CZIB: variants seen among roughly 807,000 people sequenced by gnomAD.
CZIB encodes the protein CXXC motif containing zinc binding protein, also known as UPF0587 protein C1orf123.
Under a neutral mutation model 28.3 loss-of-function variants are expected in CZIB, and 26 were observed. The observed-to-expected ratio is 0.92, with a 90% CI of 0.67 to 1.27. The LOEUF is 1.27. CZIB is among the 50% of genes most tolerant of loss of function. The probability of loss-of-function intolerance (pLI) is 0.00; values close to 1 mark genes in which losing one functional copy is unlikely to be tolerated. For missense variants in CZIB, 179 were observed against 197.3 expected, an observed-to-expected ratio of 0.91 and a Z score of 0.56; for synonymous variants, 78 against 71.1, an observed-to-expected ratio of 1.10 and a Z score of -0.49.
rs190690820 is a variant in CZIB, at chr1:53,219,210, G to C, written c.91-287C>G. The C allele has an allele frequency of 1.6e-3, 676 of 425,666 alleles. 14 individuals are homozygous for C. The highest frequency in any genetic ancestry group is 0.012 in the South Asian group (398 of 33,312). The allele number at this position is 425,666 out of a possible 1,614,324, so 26.4% of individuals were successfully genotyped here. On this transcript the variant is annotated intron_variant, in intron 2 of 7. Coordinates refer to ENST00000294360, the MANE Select transcript of CZIB (RefSeq NM_017887.3). ...CAGAAATGGTTTCAGCGGAGGTGAG[G>C]GGGGGGAATATGGAGAGATTTGTTA...
rs1008358748 is a variant in CZIB, at chr1:53,214,383, T to C, written c.*276A>G. ...GGAGATACCATCTCCTTAAAAATAC[T>C]CTTCATTTTCCTAAGGAGTGAACTG... On this transcript the variant is annotated 3_prime_UTR_variant, in exon 8 of 8. Coordinates refer to ENST00000294360, the MANE Select transcript of CZIB (RefSeq NM_017887.3). 1.0e-5 allele frequency: 4 copies of C among 391,074 alleles called. No individual in the cohort carries two copies. The highest frequency in any genetic ancestry group is 8.0e-5 in the African/African-American group (4 of 50,060). The allele number at this position is 391,074 out of a possible 1,614,324, so 24.2% of individuals were successfully genotyped here. A position where few individuals can be genotyped will look rare whatever the true frequency, so the allele number is the denominator to read the frequency against.
rs1182146682 is a variant in CZIB at position 53,218,270 on chromosome 1, T to C, written c.230-67A>G. The C allele has an allele frequency of 6.3e-6, 10 of 1,594,624 alleles. No individual in the cohort carries two copies. In the African/African-American group the frequency reaches 1.2e-4, roughly 19 times the overall value. ...CCCTCGCCCCAGCCAGGTGCCCACA[T>C]GTGGCCCTGAAAAAGATCACGCTGT... On this transcript the variant is annotated intron_variant, in intron 4 of 7. Transcript: ENST00000294360.
chr1:53,220,324 T>C lies in CZIB; in HGVS notation c.27A>G (p.Lys9=). 3 of 1,613,412 alleles carry C rather than the reference T, an allele frequency of 1.9e-6. No homozygotes were observed. The highest frequency in any genetic ancestry group is 2.5e-6 in the Non-Finnish European group (3 of 1,179,922). Residue 9 remains lysine, a synonymous_variant, in exon 2 of 8, where the codon AAA becomes AAG. Transcript: ENST00000294360. The part of the protein sequence containing the change: MGKIALQL[K]ATLENITNLR... The stretch of plus-strand genomic sequence containing the variant: ...GGTTGGTGATGTTCTCCAGCGTGGC[T>C]TTGAGTTGCAGCGCGATTTTCTGAG...
At chr1:53,218,830 G>A in intron 3 of CZIB, 37 bp downstream of exon 3, 1 of 1,569,950 alleles carries the variant, frequency 6.4e-7, no homozygotes. Context: ...GTGTGTTTGT[G>A]AGTGTTTATG....
intron 2 of CZIB, chr1:53,219,351 C>A: frequency 4.9e-6 from 1 of 203,700 alleles, no homozygotes; most frequent in Non-Finnish European, 1.0e-5. Flanking sequence ...ATTAAATGCT[C>A]CCAACACAAA....
chr1:53,220,626 G>A lies in CZIB; in HGVS notation c.-51C>T, dbSNP rs1246678465. ...CTGCGGCCCTTGCCGTTGCTTTCCGGCGCGTCGTAAAAGGCGGGTGCCGTC... is the reference window on the plus strand; with the variant it reads ...CTGCGGCCCTTGCCGTTGCTTTCCGACGCGTCGTAAAAGGCGGGTGCCGTC... On this transcript the variant is annotated 5_prime_UTR_variant, in exon 1 of 8. Coordinates refer to ENST00000294360, the MANE Select transcript of CZIB (RefSeq NM_017887.3). 6 of 1,589,204 alleles carry A rather than the reference G, an allele frequency of 3.8e-6. No individual in the cohort carries two copies. The highest frequency in any genetic ancestry group is 4.3e-6 in the Non-Finnish European group (5 of 1,174,826).
Position 53,214,592 on chromosome 1 carries a change from T to C in CZIB, c.*67A>G, listed in dbSNP as rs1645456833. ...CAAGGGTCAAAGGAACGAGCCTCTG[T>C]GGGCTCTGCTGCTTAGAGTACTTTG... is the stretch of plus-strand genomic sequence containing the variant. On this transcript the variant is annotated 3_prime_UTR_variant, in exon 8 of 8. Coordinates refer to ENST00000294360, the MANE Select transcript of CZIB (RefSeq NM_017887.3). The C allele has an allele frequency of 7.1e-6, 10 of 1,400,300 alleles. No individual in the cohort carries two copies. The highest frequency in any genetic ancestry group is 1.4e-5 in the African/African-American group (1 of 70,500). The allele number at this position is 1,400,300 out of a possible 1,614,324, so 86.7% of individuals were successfully genotyped here. A position where few individuals can be genotyped will look rare whatever the true frequency, so the allele number is the denominator to read the frequency against.
Position 53,218,983 on chromosome 1 carries a change from G to C in CZIB, c.91-60C>G, listed in dbSNP as rs572528592. 4 of 1,467,892 alleles carry C rather than the reference G, an allele frequency of 2.7e-6. No individual in the cohort carries two copies. The South Asian group carries it at 3.4e-5, about 13-fold the overall frequency. The allele number at this position is 1,467,892 out of a possible 1,614,324, so 90.9% of individuals were successfully genotyped here. A position where few individuals can be genotyped will look rare whatever the true frequency, so the allele number is the denominator to read the frequency against. ...CTCTGCTGCACAGACACCAAGGAAA[G>C]GGTAAGAACAGTGGGAGGTGGGCAG... is the stretch of plus-strand genomic sequence containing the variant. On this transcript the variant is annotated intron_variant, in intron 2 of 7. Transcript: ENST00000294360.
chr1:53,215,944 C>T (rs775218797), intron 7 of CZIB, 47 bp downstream of exon 7: 2 of 1,577,780 alleles, frequency 1.3e-6, no homozygotes. Flanking sequence ...AAAAATAATT[C>T]CCACCAGGTG....
intron 2 of CZIB, 132 bp downstream of exon 2, chr1:53,220,129 A>G: frequency 1.3e-6 from 1 of 788,448 alleles, no homozygotes. Flanking sequence ...CAAACGTAAA[A>G]TTCTAACTAG....
At chr1:53,216,118 G>A in intron 6 of CZIB, 62 bp from the exon 7 acceptor site, 2 of 1,513,828 alleles carry the variant, frequency 1.3e-6, no homozygotes, top group African/African-American at 1.4e-5. Flanking sequence ...CTATAAGTAA[G>A]GGCCGGCCAG....
chr1:53,216,760 C>T, intron 6 of CZIB, 22 bp downstream of exon 6: 2 of 1,610,408 alleles, frequency 1.2e-6, no homozygotes, highest in African/African-American at 1.3e-5. Context: ...GACAAAGATT[C>T]CCCAGAAAGA....
chr1:53,218,751 C>G, intron 3 of CZIB, 116 bp downstream of exon 3: 1 of 1,133,262 alleles, frequency 8.8e-7, no homozygotes, highest in Non-Finnish European at 1.3e-6. Context: ...TCCCAAACCA[C>G]AAAAAGCAGG....
chr1:53,218,687 T>C, intron 3 of CZIB, 180 bp downstream of exon 3: 1 of 791,868 alleles, frequency 1.3e-6, no homozygotes, highest in Non-Finnish European at 2.0e-6. Flanking sequence ...GAACTCTGCC[T>C]CATACCTCAA....
rs549589879 is a variant in CZIB at position 53,219,609 on chromosome 1, T to C, written c.90+652A>G. On this transcript the variant is annotated intron_variant, in intron 2 of 7. Coordinates refer to ENST00000294360, the MANE Select transcript of CZIB (RefSeq NM_017887.3). Reference sequence around the variant, plus strand: ...ATTGTTACTCTATTTTTCTGTCTCCTTCACTCGATTCCGCTTCTTCAAGCC... The same window carrying C: ...ATTGTTACTCTATTTTTCTGTCTCCCTCACTCGATTCCGCTTCTTCAAGCC... The C allele has an allele frequency of 3.9e-5, 6 of 152,604 alleles. No homozygotes were observed. The East Asian group carries it at 1.2e-3, about 29-fold the overall frequency. The allele number at this position is 152,604 out of a possible 1,614,324, so 9.5% of individuals were successfully genotyped here. A position where few individuals can be genotyped will look rare whatever the true frequency, so the allele number is the denominator to read the frequency against.
intron 5 of CZIB, 60 bp downstream of exon 5, chr1:53,218,112 C>G (rs777641694): frequency 6.4e-7 from 1 of 1,566,344 alleles, no homozygotes; most frequent in Non-Finnish European, 8.8e-7. Flanking sequence ...AGAACCCAGA[C>G]CTACTAACTC....
chr1:53,216,986 T>G, intron 5 of CZIB, 127 bp from the exon 6 acceptor site: 2 of 774,812 alleles, frequency 2.6e-6, no homozygotes, highest in Non-Finnish European at 2.2e-6. Flanking sequence ...CAGGAAGAAC[T>G]CATCCCCTTC....
At position 53,220,265 on chromosome 1, in the gene CZIB, A is replaced by G; in HGVS notation, c.86T>C (p.Leu29Pro). The G allele has an allele frequency of 6.2e-7, 1 of 1,613,052 alleles. No homozygotes were observed. The highest frequency in any genetic ancestry group is 8.5e-7 in the Non-Finnish European group (1 of 1,179,638). Residue 29 changes from leucine to proline, a missense_variant, in exon 2 of 8, where the codon CTG (leucine) becomes CCG (proline). Coordinates refer to ENST00000294360, the MANE Select transcript of CZIB (RefSeq NM_017887.3). Reference sequence around the variant, plus strand: ...CGGGCCCCGCCCCGGCCGCACCTTCAGGTACCACCGGAAGTCCTCGCCCAC... The same window carrying G: ...CGGGCCCCGCCCCGGCCGCACCTTCGGGTACCACCGGAAGTCCTCGCCCAC... Reference protein sequence around the residue: ...RPVGEDFRWYLKMKCGNCGEI... With the variant: ...RPVGEDFRWYPKMKCGNCGEI...
Position 53,216,809 on chromosome 1 carries a change from GC to G in CZIB, c.311del (p.Gly104AlafsTer55). On this transcript the variant is annotated frameshift_variant, in exon 6 of 8. Transcript: ENST00000294360. LOFTEE classifies it high-confidence loss of function. ...FKTIVEFECR[G>X]LEPVDFQPQA... ...GCGGCTGGAAATCAACTGGTTCAAG[GC>G]CCCGGCACTCAAACTCCACTATTGT... 6.2e-7 allele frequency: 1 copy of G among 1,614,160 alleles called. No homozygotes were observed. Among genetic ancestry groups the G allele is most frequent in the Non-Finnish European group, 8.5e-7 (1 of 1,180,000 alleles).
Sources: allele counts gnomAD v4.1 joint callset, GRCh38; gene constraint gnomAD v4.1.1; transcripts MANE v1.5; gene names NCBI Gene and HGNC (gene_info 2026-07-23, HGNC 2026-07-21).